KIF21A: variants seen among roughly 807,000 people sequenced by gnomAD.
KIF21A encodes kinesin-like protein KIF21A.
A neutral mutation model predicts 202.9 loss-of-function variants in KIF21A; 114 were observed. That is an observed-to-expected ratio of 0.56 (90% CI 0.48 to 0.66). The LOEUF (loss-of-function observed/expected upper bound fraction) is 0.66, where lower values mean the gene tolerates loss of function less well. Ranked by LOEUF, KIF21A falls within the 30% of genes least tolerant of loss-of-function variation. The pLI, the probability that KIF21A is intolerant of heterozygous loss-of-function variation, is 0.00. For synonymous variants in KIF21A, 667 were observed against 670.8 expected, an observed-to-expected ratio of 0.99 and a Z score of 0.09; for missense variants, 1,677 against 1,994.9, an observed-to-expected ratio of 0.84 and a Z score of 3.04.
chr12:39,319,359 T>A (rs1486107864), intron 28 of KIF21A, among the ~76,000 whole-genome samples: 1 of 152,142 alleles, frequency 6.6e-6, no homozygotes, highest in Non-Finnish European at 1.5e-5. Context: ...AATCAGATTA[T>A]ACTATGTACT....
intron 1 of KIF21A, among the ~76,000 whole-genome samples, chr12:39,426,059 A>T (rs1002438933): frequency 1.3e-5 from 2 of 152,224 alleles, no homozygotes; most frequent in African/African-American, 2.4e-5. Context: ...TGAATGATAA[A>T]ACAGGTAATC....
chr12:39,331,619 AG>A, intron 22 of KIF21A, 70 bp downstream of exon 22: 3 of 1,004,600 alleles, frequency 3.0e-6, no homozygotes, highest in Non-Finnish European at 4.8e-6. Context: ...GGGTTACTAC[AG>A]AAAGATAAAT....
rs548705161 is a variant in KIF21A at position 39,320,842 on chromosome 12, G to A, written c.3672-829C>T. Among the ~76,000 whole-genome samples, 343 of 147,624 alleles carry A rather than the reference G, an allele frequency of 2.3e-3. 2 individuals are homozygous for A. The highest frequency in any genetic ancestry group is 3.0e-3 in the Non-Finnish European group (203 of 67,606). On this transcript the variant is annotated intron_variant, in intron 27 of 37. Coordinates refer to ENST00000361418, the MANE Select transcript of KIF21A (RefSeq NM_001173464.2). The stretch of plus-strand genomic sequence containing the variant: ...CCCAGCTACTTGGGAGGCTGAGGCA[G>A]GAGAATCGCTTGAAGCCAGGAGGCA...
intron 17 of KIF21A, among the ~76,000 whole-genome samples, chr12:39,335,234 A>T (rs1334547316): frequency 6.6e-6 from 1 of 151,958 alleles, no homozygotes; most frequent in Non-Finnish European, 1.5e-5. Context: ...CAACATGGTG[A>T]AAACCCATCT....
At chr12:39,373,411 C>T (rs1174880493) in intron 1 of KIF21A, among the ~76,000 whole-genome samples, 1 of 152,150 alleles carries the variant, frequency 6.6e-6, no homozygotes, top group East Asian at 1.9e-4. Flanking sequence ...CACACAAACT[C>T]TGCATTTCAA....
rs770271988 is a variant in KIF21A, at chr12:39,332,201, A to T, written c.3051+13T>A. 1 of 1,610,530 alleles carries T rather than the reference A, an allele frequency of 6.2e-7. No homozygotes were observed. The highest frequency in any genetic ancestry group is 8.5e-7 in the Non-Finnish European group (1 of 1,177,544). On this transcript the variant is annotated intron_variant, in intron 21 of 37. Transcript: ENST00000361418. Reference sequence around the variant, plus strand: ...TTTCATTAAACCATTACGCTTTTTTAAAAATTACAAACCTTTGCTTCTTCC... The same window carrying T: ...TTTCATTAAACCATTACGCTTTTTTTAAAATTACAAACCTTTGCTTCTTCC...
At chr12:39,400,726 A>G (rs1046960716) in intron 1 of KIF21A, among the ~76,000 whole-genome samples, 1 of 152,222 alleles carries the variant, frequency 6.6e-6, no homozygotes, top group Admixed American at 6.5e-5. Context: ...GTCAAGAACT[A>G]TCACTAGGTC....
intron 17 of KIF21A, among the ~76,000 whole-genome samples, chr12:39,335,627 C>T (rs1592211693): frequency 6.6e-6 from 1 of 151,908 alleles, no homozygotes; most frequent in Non-Finnish European, 1.5e-5. Context: ...TGTGAATATA[C>T]TAAAAACATG....
At chr12:39,297,891 T>C (rs1942560948) in intron 37 of KIF21A, among the ~76,000 whole-genome samples, 1 of 147,268 alleles carries the variant, frequency 6.8e-6, no homozygotes, top group Non-Finnish European at 1.5e-5. Context: ...TTATTATTGA[T>C]CAAAATAATA....
chr12:39,345,161 T>C (rs1376580000), intron 12 of KIF21A, among the ~76,000 whole-genome samples: 2 of 152,216 alleles, frequency 1.3e-5, no homozygotes, highest in African/African-American at 4.8e-5. Context: ...CCAACCACTC[T>C]GCTTTTGCTG....
intron 1 of KIF21A, among the ~76,000 whole-genome samples, chr12:39,436,436 ATATATATATATAT>A (rs1938726530): frequency 8.4e-6 from 1 of 119,172 alleles, no homozygotes; most frequent in African/African-American, 3.9e-5. Flanking sequence ...ATATATATAT[ATATATATATATAT>A]TTTTTTTTTT....
At position 39,432,551 on chromosome 12, in the gene KIF21A, CAGATGGTGTATAAT is replaced by C. The variant is rs1388853260; in HGVS notation, c.44+10362_44+10375del. Among the ~76,000 whole-genome samples the C allele has an allele frequency of 2.0e-5, 3 of 151,768 alleles. No individual in the cohort carries two copies. In the East Asian group the frequency reaches 5.8e-4, roughly 29 times the overall value. ...ATTGTACTGAGTTATTGAAATAAAG[CAGATGGTGTATAAT>C]ATTTAGCATGTTACTCAAAATGCCC... On this transcript the variant is annotated intron_variant, in intron 1 of 37. Transcript: ENST00000361418.
chr12:39,409,399 GA>G (rs1159155003), intron 1 of KIF21A, among the ~76,000 whole-genome samples: 1 of 146,264 alleles, frequency 6.8e-6, no homozygotes, highest in Non-Finnish European at 1.5e-5. Flanking sequence ...CAAAAAAAAA[GA>G]AAAAAATAGC....
chr12:39,305,644 AG>A (rs1331577383), intron 34 of KIF21A, among the ~76,000 whole-genome samples: 1 of 152,196 alleles, frequency 6.6e-6, no homozygotes, highest in Non-Finnish European at 1.5e-5. Flanking sequence ...GTTATTCCAA[AG>A]CTGACTAATG....
chr12:39,402,560 A>T (rs1268836496), intron 1 of KIF21A, among the ~76,000 whole-genome samples: 1 of 152,086 alleles, frequency 6.6e-6, no homozygotes, highest in East Asian at 1.9e-4. Flanking sequence ...CAAATAAATA[A>T]ATAATTTTTA....
Position 39,341,063 on chromosome 12 carries a change from A to T in KIF21A, c.1953T>A (p.Thr651=). Reference sequence around the variant, plus strand: ...GCTTTTGCTTAATTGCAATTTCACAAGTAATGTTTGCCAAGTCTGCTTGAT... The same window carrying T: ...GCTTTTGCTTAATTGCAATTTCACATGTAATGTTTGCCAAGTCTGCTTGAT... ...ANYQADLANI[T]CEIAIKQKLI... The change falls in exon 15 of 38, where the codon ACT becomes ACA. Residue 651 remains threonine, a synonymous_variant. Transcript: ENST00000361418. The T allele has an allele frequency of 6.2e-7, 1 of 1,610,334 alleles. No homozygotes were observed. The highest frequency in any genetic ancestry group is 8.5e-7 in the Non-Finnish European group (1 of 1,177,724).
intron 1 of KIF21A, among the ~76,000 whole-genome samples, chr12:39,437,854 T>G (rs1939030207): frequency 6.6e-6 from 1 of 152,192 alleles, no homozygotes; most frequent in Middle Eastern, 3.2e-3. Flanking sequence ...TAACCATCTA[T>G]TTCCATAAAA....
In KIF21A at chr12:39,443,116, C is replaced by T. The variant is rs886049347; in HGVS notation, c.-146G>A. The stretch of plus-strand genomic sequence containing the variant: ...TCCGCCGCGCTCCAGCCATGTTGGG[C>T]GACTGAATGGAAAGGTGGCGGCGGC... On this transcript the variant is annotated 5_prime_UTR_variant, in exon 1 of 38. Coordinates refer to ENST00000361418, the MANE Select transcript of KIF21A (RefSeq NM_001173464.2). 175 of 773,116 alleles carry T rather than the reference C, an allele frequency of 2.3e-4. No individual in the cohort carries two copies. The highest frequency in any genetic ancestry group is 3.0e-4 in the Non-Finnish European group (162 of 531,722). The allele number at this position is 773,116 out of a possible 1,614,324, so 47.9% of individuals were successfully genotyped here.
chr12:39,340,543 A>G (rs147527923), intron 15 of KIF21A, among the ~76,000 whole-genome samples, 179 bp from the exon 16 acceptor site: 1 of 152,216 alleles, frequency 6.6e-6, no homozygotes, highest in East Asian at 1.9e-4. Context: ...TTTAATGATT[A>G]TTGAAGCTTA....
Sources: gnomAD v4.1 joint callset for allele counts (sites outside exome capture counted in the v4.1 genomes callset) on GRCh38, gnomAD v4.1.1 for gene constraint, MANE v1.5 for transcripts, NCBI Gene and HGNC (gene_info 2026-07-23, HGNC 2026-07-21) for gene names.